Variants in DAB2IP observed in about 807,000 individuals in gnomAD.
DAB2IP encodes the protein DAB2 interacting protein, also known as disabled homolog 2-interacting protein.
Under a neutral mutation model 107.2 loss-of-function variants are expected in DAB2IP, and 28 were observed. The observed-to-expected ratio is 0.26, with a 90% CI of 0.19 to 0.36. DAB2IP has a LOEUF of 0.36. Among genes scored for constraint, DAB2IP ranks in the 10% least tolerant of loss-of-function variants. The pLI is 1.00. For missense variants in DAB2IP, 1,400 were observed against 1,644.7 expected, an observed-to-expected ratio of 0.85 and a Z score of 2.57; for synonymous variants, 755 against 706.4, an observed-to-expected ratio of 1.07 and a Z score of -1.09.
At chr9:121,604,473 C>T (rs1042461389) in intron 1 of DAB2IP, among the ~76,000 whole-genome samples, 2 of 152,230 alleles carry the variant, frequency 1.3e-5, no homozygotes, top group African/African-American at 4.8e-5. Flanking sequence ...AGCTCCCTGG[C>T]CTGGCAAACA....
intron 3 of DAB2IP, among the ~76,000 whole-genome samples, chr9:121,716,506 C>G (rs1237656681): frequency 1.3e-5 from 2 of 152,234 alleles, no homozygotes; most frequent in Admixed American, 1.3e-4. Context: ...GAGCCCAGCT[C>G]TTTGTCCTGC....
chr9:121,606,301 T>C (rs1280108804), intron 1 of DAB2IP, among the ~76,000 whole-genome samples: 7 of 151,962 alleles, frequency 4.6e-5, no homozygotes, highest in Non-Finnish European at 1.0e-4. Context: ...GAGGTGGAGG[T>C]TGCAGTGACC....
intron 14 of DAB2IP, among the ~76,000 whole-genome samples, chr9:121,778,436 T>C (rs1235739357): frequency 6.6e-6 from 1 of 152,258 alleles, no homozygotes; most frequent in East Asian, 1.9e-4. Flanking sequence ...TCTAAATGGT[T>C]CTGCCTTTTT....
chr9:121,641,904 TC>T (rs1366399176), intron 1 of DAB2IP, among the ~76,000 whole-genome samples: 6 of 77,702 alleles, frequency 7.7e-5, no homozygotes, highest in African/African-American at 3.0e-4. Context: ...TTTCTTTCTT[TC>T]TTTCTTTCTT....
chr9:121,573,346 G>A (rs966425523), intron 1 of DAB2IP, among the ~76,000 whole-genome samples: 2 of 152,024 alleles, frequency 1.3e-5, no homozygotes, highest in Non-Finnish European at 1.5e-5. Flanking sequence ...CAAACTGCTA[G>A]GATTACAGGC....
intron 13 of DAB2IP, among the ~76,000 whole-genome samples, chr9:121,775,616 G>T (rs1835145335): frequency 6.6e-6 from 1 of 152,204 alleles, no homozygotes; most frequent in Non-Finnish European, 1.5e-5. Flanking sequence ...CTCCCTGATG[G>T]TTGGGGTCTG....
At chr9:121,704,412 T>A (rs1829952882) in intron 3 of DAB2IP, among the ~76,000 whole-genome samples, 1 of 152,180 alleles carries the variant, frequency 6.6e-6, no homozygotes, top group Non-Finnish European at 1.5e-5. Flanking sequence ...TTCATTTGCT[T>A]GTTGGTGATC....
intron 3 of DAB2IP, among the ~76,000 whole-genome samples, chr9:121,748,193 G>A (rs1832848347): frequency 6.6e-6 from 1 of 152,240 alleles, no homozygotes; most frequent in Non-Finnish European, 1.5e-5. Context: ...CAGCGTGTGA[G>A]GAAATGGCAC....
chr9:121,730,286 C>G (rs972216777), intron 3 of DAB2IP, among the ~76,000 whole-genome samples: 3 of 152,206 alleles, frequency 2.0e-5, no homozygotes, highest in African/African-American at 7.2e-5. Flanking sequence ...CATTTAAACT[C>G]AATTATTTTC....
chr9:121,715,382 C>T (rs746417501), intron 3 of DAB2IP, among the ~76,000 whole-genome samples: 53 of 147,262 alleles, frequency 3.6e-4, no homozygotes, highest in Non-Finnish European at 5.8e-4. Context: ...GAGTCTTTCT[C>T]GGTAGCCCAG....
At chr9:121,763,870 A>G (rs1350553387) in exon 8 of DAB2IP, 2 of 1,613,622 alleles carry the variant, frequency 1.2e-6, no homozygotes, top group Non-Finnish European at 1.7e-6. Context: ...AAGATCATCA[A>G]CTCCTACTGG....
intron 3 of DAB2IP, among the ~76,000 whole-genome samples, chr9:121,747,382 C>G (rs2118919526): frequency 6.7e-6 from 1 of 148,756 alleles, no homozygotes; most frequent in South Asian, 2.1e-4. Context: ...GAGTCTCGCT[C>G]TGTCGCCCAG....
At position 121,773,340 on chromosome 9, in the gene DAB2IP, A is replaced by G. The variant is rs539043936; in HGVS notation, c.2812A>G (p.Asn938Asp). Residue 938 changes from asparagine to aspartate, a missense_variant, in exon 12 of 16, where the codon AAC becomes GAC. Around this residue, in one of 3 missense-constraint regions of DAB2IP, gnomAD observed 600 missense variants for 659.1 expected, o/e 0.91. Transcript: ENST00000408936. ...TGCCCCCCGCGGCCGGACGCCCCCCAACCTGCTGAGCACCCTGCAGTACCC... is the reference window on the plus strand; with the variant it reads ...TGCCCCCCGCGGCCGGACGCCCCCCGACCTGCTGAGCACCCTGCAGTACCC... 91 of 1,248,710 alleles carry G rather than the reference A, an allele frequency of 7.3e-5. No individual in the cohort carries two copies. The highest frequency in any genetic ancestry group is 4.6e-4 in the Middle Eastern group (2 of 4,304). The allele number at this position is 1,248,710 out of a possible 1,614,324, so 77.4% of individuals were successfully genotyped here.
chr9:121,571,704 C>T (rs755770645), intron 1 of DAB2IP, among the ~76,000 whole-genome samples: 10 of 151,994 alleles, frequency 6.6e-5, no homozygotes, highest in Non-Finnish European at 1.3e-4. Context: ...GTGGGGGATC[C>T]GCAGCCACTG....
At chr9:121,630,700 C>T (rs1157824086) in intron 1 of DAB2IP, among the ~76,000 whole-genome samples, 4 of 151,396 alleles carry the variant, frequency 2.6e-5, no homozygotes, top group African/African-American at 7.3e-5. Flanking sequence ...CTCCGCCTCC[C>T]GGGTTCAAGC....
chr9:121,780,736 T>A (rs1458149603), intron 14 of DAB2IP, among the ~76,000 whole-genome samples: 1 of 152,046 alleles, frequency 6.6e-6, no homozygotes, highest in Non-Finnish European at 1.5e-5. Flanking sequence ...ACCAGCCAGG[T>A]GGGGCCAGGA....
At chr9:121,650,575 CT>C, upstream of DAB2IP, among the ~76,000 whole-genome samples, 1 of 152,370 alleles carries the variant, frequency 6.6e-6, no homozygotes. Context: ...GCCTCTGCCA[CT>C]TTCCATGTGA....
chr9:121,624,946 G>A (rs537189336), intron 1 of DAB2IP, among the ~76,000 whole-genome samples: 6 of 152,286 alleles, frequency 3.9e-5, no homozygotes, highest in African/African-American at 7.2e-5. Context: ...AGAAGAGCAC[G>A]CTGCTATAAA....
In DAB2IP at chr9:121,776,643, G is replaced by A. The variant is rs531303021; in HGVS notation, c.3314+252G>A. 2.0e-5 allele frequency among the ~76,000 whole-genome samples: 3 copies of A among 152,296 alleles called. No homozygotes were observed. The highest frequency in any genetic ancestry group is 4.4e-5 in the Non-Finnish European group (3 of 68,024). On this transcript the variant is annotated intron_variant, in intron 14 of 15. Coordinates refer to ENST00000408936, the Ensembl canonical transcript of DAB2IP. The surrounding 1 kb of genome is among the most constrained non-coding windows in gnomAD (Gnocchi z 5.4). ...GGACCAATGACAGCTGGCTCCCGAC[G>A]GGCCTGAGCCTCTACAAGGAGCCAT...
Sources: gnomAD v4.1 joint callset for allele counts (sites outside exome capture counted in the v4.1 genomes callset) on GRCh38, gnomAD v4.1.1 for gene constraint, gnomAD v4.1.1 regional missense constraint, Gnocchi (gnomAD v3.1) non-coding constraint, MANE v1.5 for transcripts, NCBI Gene and HGNC (gene_info 2026-07-23, HGNC 2026-07-21) for gene names.